Variants in MDN1 observed in about 807,000 individuals in gnomAD.
MDN1 encodes midasin AAA ATPase 1.
Under a neutral mutation model 669.2 loss-of-function variants are expected in MDN1, and 266 were observed. The observed-to-expected ratio is 0.40, with a 90% CI of 0.36 to 0.44. MDN1 has a LOEUF of 0.44. Among genes scored for constraint, MDN1 ranks in the 20% least tolerant of loss-of-function variants. The pLI is 1.00. For missense variants in MDN1, 5,940 were observed against 6,754.0 expected, an observed-to-expected ratio of 0.88 and a Z score of 4.22; for synonymous variants, 2,385 against 2,457.1, an observed-to-expected ratio of 0.97 and a Z score of 0.87.
intron 51 of MDN1, among the ~76,000 whole-genome samples, 180 bp from the exon 52 acceptor site, chr6:89,707,656 GA>G (rs1276580031): frequency 6.6e-6 from 1 of 152,208 alleles, no homozygotes; most frequent in Non-Finnish European, 1.5e-5. Flanking sequence ...AAGGTGAAAG[GA>G]AAGATCGATG....
chr6:89,714,667 T>C lies in MDN1; in HGVS notation c.6945A>G (p.Glu2315=). The change falls in exon 46 of 102, where the codon GAA becomes GAG. Residue 2315 remains glutamate, a synonymous_variant. Transcript: ENST00000369393. ...GGTTGTCTGGGGTGCTTGCATCCCC[T>C]TCCCCTGAAATGTAGATTTCAAGTC... ...NRGLEIYISG[E]GDASTPDNLD... The C allele has an allele frequency of 6.2e-7, 1 of 1,614,036 alleles. No homozygotes were observed. The highest frequency in any genetic ancestry group is 8.5e-7 in the Non-Finnish European group (1 of 1,179,882).
Position 89,781,474 on chromosome 6 carries a change from T to C in MDN1, c.1568A>G (p.Gln523Arg). 6.2e-7 allele frequency: 1 copy of C among 1,614,186 alleles called. No individual in the cohort carries two copies. The highest frequency in any genetic ancestry group is 8.5e-7 in the Non-Finnish European group (1 of 1,180,002). ...GGCTTCTGAAACTTCTTCAGGTGCCTGTTCACATCCAACAGAACTATCACT... is the reference window on the plus strand; with the variant it reads ...GGCTTCTGAAACTTCTTCAGGTGCCCGTTCACATCCAACAGAACTATCACT... The part of the protein sequence containing the change: ...SWSDSSVGCE[Q>R]APEEVSEARR... The change falls in exon 10 of 102, where the codon CAG (glutamine) becomes CGG (arginine). Residue 523 changes from glutamine to arginine, a missense_variant. Transcript: ENST00000369393.
chr6:89,712,876 A>G, intron 47 of MDN1, 90 bp from the exon 48 acceptor site: 1 of 1,167,552 alleles, frequency 8.6e-7, no homozygotes, highest in Non-Finnish European at 1.2e-6. Flanking sequence ...CCATGCGACC[A>G]CCTCACAACA....
intron 9 of MDN1, among the ~76,000 whole-genome samples, chr6:89,783,794 C>T (rs946552127): frequency 2.0e-5 from 3 of 151,962 alleles, no homozygotes; most frequent in African/African-American, 7.3e-5. Context: ...CTCAGCCAGC[C>T]AACACTTATG....
intron 92 of MDN1, 43 bp from the exon 93 acceptor site, chr6:89,654,377 T>C (rs926769438): frequency 1.2e-6 from 2 of 1,606,152 alleles, no homozygotes; most frequent in Non-Finnish European, 1.7e-6. Context: ...TCCTAGGTCT[T>C]TGCAGAACAA....
chr6:89,684,180 T>G (rs1364104264), intron 71 of MDN1, among the ~76,000 whole-genome samples: 1 of 151,902 alleles, frequency 6.6e-6, no homozygotes, highest in Non-Finnish European at 1.5e-5. Flanking sequence ...CCGTCTCTAC[T>G]AAAAATAGAA....
At chr6:89,796,782 T>G (rs1050913162) in intron 2 of MDN1, among the ~76,000 whole-genome samples, 2 of 152,122 alleles carry the variant, frequency 1.3e-5, no homozygotes, top group Non-Finnish European at 2.9e-5. Flanking sequence ...TTATAAAAAT[T>G]TCTGGGCTGG....
chr6:89,718,397 G>C lies in MDN1; in HGVS notation c.6552C>G (p.Leu2184=), dbSNP rs1814562883. Residue 2184 remains leucine (L), a synonymous_variant, in exon 43 of 102, where the codon CTC becomes CTG. Transcript: ENST00000369393. ...TGCAGTATGAGTTGATTTTATTGTT[G>C]AGTCGCTGCATAAGCAATAACACTG... ...LEAVLLLMQR[L]NNKINSYCKA... 1 of 1,613,900 alleles carries C rather than the reference G, an allele frequency of 6.2e-7. No individual in the cohort carries two copies. The highest frequency in any genetic ancestry group is 8.5e-7 in the Non-Finnish European group (1 of 1,180,008).
rs1398747438 is a variant in MDN1 at position 89,756,314 on chromosome 6, A to G, written c.2779T>C (p.Leu927=). ...TGCACTGTATTCTTGTTCACACTCA[A>G]TCCTTTCAGATAATCTACAATAAGA... The part of the protein sequence containing the change: ...QVLIVDYLKG[L]SVNKNTVQGI... The change falls in exon 20 of 102, where the codon TTG becomes CTG. Residue 927 remains leucine, a synonymous_variant. Transcript: ENST00000369393. The G allele has an allele frequency of 6.2e-7, 1 of 1,600,800 alleles. No individual in the cohort carries two copies. The highest frequency in any genetic ancestry group is 1.1e-5 in the South Asian group (1 of 88,416).
At chr6:89,700,923 C>A in intron 55 of MDN1, 67 bp from the exon 56 acceptor site, 1 of 1,269,370 alleles carries the variant, frequency 7.9e-7, no homozygotes, top group Non-Finnish European at 1.1e-6. Flanking sequence ...GTAGCCTATA[C>A]AGGTCTCAGA....
chr6:89,761,083 G>A (rs763754047), intron 17 of MDN1, among the ~76,000 whole-genome samples: 4 of 152,008 alleles, frequency 2.6e-5, no homozygotes, highest in Admixed American at 6.5e-5. Flanking sequence ...GGAGAATGGC[G>A]TGAACCCAGG....
chr6:89,740,137 C>A, intron 32 of MDN1, 97 bp downstream of exon 32: 1 of 1,375,166 alleles, frequency 7.3e-7, no homozygotes, highest in South Asian at 1.4e-5. Context: ...TTTTACCTAA[C>A]ATAAAATTCC....
intron 1 of MDN1, among the ~76,000 whole-genome samples, chr6:89,818,145 C>T (rs111897092): frequency 0.093 from 13,983 of 149,924 alleles, 825 homozygotes; most frequent in Non-Finnish European, 0.13. Flanking sequence ...CAGTGAAACC[C>T]TGTCTCTACT....
intron 1 of MDN1, among the ~76,000 whole-genome samples, chr6:89,819,140 C>A (rs1383974508): frequency 6.6e-6 from 1 of 152,310 alleles, no homozygotes; most frequent in East Asian, 1.9e-4. Context: ...CTGCACTACG[C>A]ACACTTAGGT....
chr6:89,784,076 G>C (rs563134641), intron 9 of MDN1, among the ~76,000 whole-genome samples: 3 of 152,040 alleles, frequency 2.0e-5, no homozygotes, highest in Non-Finnish European at 2.9e-5. Context: ...CACTTTAGGA[G>C]GCCAAGGCAG....
At position 89,751,391 on chromosome 6, in the gene MDN1, C is replaced by T. The variant is rs756094460; in HGVS notation, c.3227+40G>A. On this transcript the variant is annotated intron_variant, in intron 23 of 101. Transcript: ENST00000369393. ...ACCAAAATGTCATCAATGCCTATGC[C>T]TGTATCAAGTTCGGGGCAGCGAGAA... 1.9e-6 allele frequency: 3 copies of T among 1,612,498 alleles called. No individual in the cohort carries two copies. In the East Asian group the frequency reaches 6.7e-5, roughly 36 times the overall value.
intron 92 of MDN1, among the ~76,000 whole-genome samples, chr6:89,655,346 G>A (rs1438720158): frequency 6.6e-6 from 1 of 152,170 alleles, no homozygotes; most frequent in Non-Finnish European, 1.5e-5. Flanking sequence ...TGTCAGTGCA[G>A]GGACCTATCC....
rs553604863 is a variant in MDN1 at position 89,658,787 on chromosome 6, A to G, written c.14844T>C (p.Asp4948=). Residue 4948 remains aspartate (D), a synonymous_variant, in exon 89 of 102, where the codon GAT becomes GAC. Coordinates refer to ENST00000369393, the MANE Select transcript of MDN1 (RefSeq NM_014611.3). Reference sequence around the variant, plus strand: ...TTTCCTCTTCCCCTTCTGCCTTGTCATCTTCACTGGGGCCTTCCTCAGGCT... The same window carrying G: ...TTTCCTCTTCCCCTTCTGCCTTGTCGTCTTCACTGGGGCCTTCCTCAGGCT... ...PQEPEEGPSE[D]DKAEGEEEMD... is the part of the protein sequence containing the mutation. 6.2e-7 allele frequency: 1 copy of G among 1,613,842 alleles called. No individual in the cohort carries two copies. Among genetic ancestry groups the G allele is most frequent in the Non-Finnish European group, 8.5e-7 (1 of 1,179,974 alleles).
rs377333769 is a variant in MDN1, at chr6:89,794,078, C to T, written c.662+22G>A. 27 of 1,505,080 alleles carry T rather than the reference C, an allele frequency of 1.8e-5. No homozygotes were observed. In the African/African-American group the frequency reaches 2.7e-4, roughly 15 times the overall value. 93.2% of individuals were successfully genotyped at this position (1,505,080 alleles called of 1,614,324 possible). A position where few individuals can be genotyped will look rare whatever the true frequency, so the allele number is the denominator to read the frequency against. Reference sequence around the variant, plus strand: ...AAAAAAAGAAATGCTATAGCAAGACCTCCACGAAGGTTCCTGCTTACCTCA... The same window carrying T: ...AAAAAAAGAAATGCTATAGCAAGACTTCCACGAAGGTTCCTGCTTACCTCA... On this transcript the variant is annotated intron_variant, in intron 4 of 101. Coordinates refer to ENST00000369393, the MANE Select transcript of MDN1 (RefSeq NM_014611.3).
Sources: gnomAD v4.1 joint callset for allele counts (sites outside exome capture counted in the v4.1 genomes callset) on GRCh38, gnomAD v4.1.1 for gene constraint, MANE v1.5 for transcripts, NCBI Gene and HGNC (gene_info 2026-07-23, HGNC 2026-07-21) for gene names.